Variants in ZNF226 observed in about 807,000 individuals in gnomAD.
The protein encoded by ZNF226 is Kruppel-associated box protein.
Under a neutral mutation model 11.4 loss-of-function variants are expected in ZNF226, and 6 were observed. That is an observed-to-expected ratio of 0.53 (90% CI 0.29 to 1.04). ZNF226 has a LOEUF of 1.04. ZNF226 is among the 50% of genes least tolerant of loss of function. The probability of loss-of-function intolerance (pLI) is 0.08; values close to 1 mark genes in which losing one functional copy is unlikely to be tolerated. For missense variants in ZNF226, 1,058 were observed against 956.5 expected (o/e 1.11, Z -1.40); for synonymous variants, 350 against 322.8 (o/e 1.08, Z -0.90).
the ZNF226 span, among the ~76,000 whole-genome samples, chr19:44,196,737 G>T: frequency 6.6e-6 from 1 of 152,114 alleles, no homozygotes; most frequent in African/African-American, 2.4e-5. Context: ...TATCCATTGG[G>T]CTCATGTTGA....
the ZNF226 span, among the ~76,000 whole-genome samples, chr19:44,193,015 A>G: frequency 1.3e-5 from 2 of 152,126 alleles, no homozygotes; most frequent in Non-Finnish European, 2.9e-5. Context: ...TTGTCTGACA[A>G]ATATATCCAG....
In ZNF226 at chr19:44,165,125, C is replaced by G. The variant is rs1295853668; in HGVS notation, c.-115C>G. 6.6e-6 allele frequency: 1 copy of G among 152,242 alleles called. No individual in the cohort carries two copies. The highest frequency in any genetic ancestry group is 1.5e-5 in the Non-Finnish European group (1 of 68,072). 9.4% of individuals were successfully genotyped at this position (152,242 alleles called of 1,614,324 possible). On this transcript the variant is annotated 5_prime_UTR_variant, in exon 1 of 6. Transcript: ENST00000337433. ...AGACGACGTAGCAGCCATCTTTTCC[C>G]TGGCTTTGGTGATTCAGGTCAGCTT...
the ZNF226 span, among the ~76,000 whole-genome samples, chr19:44,186,921 G>A: frequency 2.0e-5 from 3 of 150,492 alleles, no homozygotes; most frequent in Non-Finnish European, 4.4e-5. Context: ...GTTATGTGGT[G>A]TATTACATTG....
chr19:44,179,532 G>T (rs1970875039), downstream of ZNF226, among the ~76,000 whole-genome samples: 1 of 152,178 alleles, frequency 6.6e-6, no homozygotes, highest in African/African-American at 2.4e-5. Context: ...GCATTGGTAA[G>T]AGTGAATATA....
At chr19:44,165,316 T>C (rs1448848238) in intron 1 of ZNF226, 174 bp downstream of exon 1, 2 of 152,154 alleles carry the variant, frequency 1.3e-5, no homozygotes, top group Non-Finnish European at 2.9e-5. Flanking sequence ...GCGTACTGGC[T>C]TCGGGCGGCT....
the ZNF226 span, among the ~76,000 whole-genome samples, chr19:44,184,329 C>T: frequency 6.6e-6 from 1 of 152,152 alleles, no homozygotes; most frequent in Non-Finnish European, 1.5e-5. Flanking sequence ...TGCCTGTAAT[C>T]CCAGCACTTT....
At chr19:44,185,443 T>C in the ZNF226 span, among the ~76,000 whole-genome samples, 3 of 152,206 alleles carry the variant, frequency 2.0e-5, no homozygotes, top group African/African-American at 7.2e-5. Context: ...GTGACCACAA[T>C]AGTGGGTGTG....
At chr19:44,187,280 C>T in the ZNF226 span, among the ~76,000 whole-genome samples, 2 of 152,040 alleles carry the variant, frequency 1.3e-5, no homozygotes, top group Admixed American at 1.3e-4. The surrounding 1 kb of genome is among the most constrained non-coding windows in gnomAD (Gnocchi z 4.0). Flanking sequence ...TTGATGACTA[C>T]GTCCAATGCC....
intron 5 of ZNF226, chr19:44,174,740 T>C: frequency 3.0e-6 from 1 of 337,176 alleles, no homozygotes; most frequent in Non-Finnish European, 5.4e-6. Context: ...CATATCTACA[T>C]CCAGAAACTT....
chr19:44,170,245 G>T, intron 3 of ZNF226, 150 bp downstream of exon 3: 2 of 673,936 alleles, frequency 3.0e-6, no homozygotes, highest in Non-Finnish European at 4.6e-6. Flanking sequence ...GAGTTTAGCT[G>T]GTTTTGGTTT....
chr19:44,170,456 G>T (rs2122335028), intron 3 of ZNF226, among the ~76,000 whole-genome samples: 1 of 152,120 alleles, frequency 6.6e-6, no homozygotes, highest in African/African-American at 2.4e-5. Flanking sequence ...CAAAAATTAG[G>T]CCGGGCATGG....
At chr19:44,172,295 G>A in intron 4 of ZNF226, 81 bp downstream of exon 4, 1 of 1,513,346 alleles carries the variant, frequency 6.6e-7, no homozygotes, top group Non-Finnish European at 8.9e-7. Flanking sequence ...TTCCCTGAGT[G>A]TGGGAATCTG....
intron 2 of ZNF226, among the ~76,000 whole-genome samples, chr19:44,167,314 CTTTTT>C (rs35919865): frequency 1.9e-5 from 2 of 105,688 alleles, no homozygotes; most frequent in Non-Finnish European, 3.6e-5. Context: ...ATTTCTTTAA[CTTTTT>C]TTTTTTTTTT....
chr19:44,171,945 T>C, intron 3 of ZNF226, 143 bp from the exon 4 acceptor site: 1 of 1,058,952 alleles, frequency 9.4e-7, no homozygotes, highest in African/African-American at 1.6e-5. Context: ...GGTAAGTCAG[T>C]GTATGGCATT....
downstream of ZNF226, among the ~76,000 whole-genome samples, chr19:44,180,086 C>CAAAA (rs60173546): frequency 1.6e-4 from 9 of 54,730 alleles, no homozygotes; most frequent in South Asian, 1.3e-3. Flanking sequence ...GACTCTGTCT[C>CAAAA]AAAAAAAAAA....
the ZNF226 span, among the ~76,000 whole-genome samples, chr19:44,188,085 A>T: frequency 6.6e-6 from 1 of 152,154 alleles, no homozygotes; most frequent in Non-Finnish European, 1.5e-5. Context: ...ACTTGAGAAG[A>T]ATGTGCATTT....
intron 2 of ZNF226, chr19:44,167,851 G>A (rs1307903710): frequency 6.6e-6 from 1 of 152,140 alleles, no homozygotes; most frequent in African/African-American, 2.4e-5. Flanking sequence ...CACATGCATG[G>A]GGTGTCTTGG....
rs1970181763 is a variant in ZNF226 at position 44,172,228 on chromosome 19, C to T, written c.142+14C>T. 1 of 1,607,600 alleles carries T rather than the reference C, an allele frequency of 6.2e-7. No individual in the cohort carries two copies. Among genetic ancestry groups the T allele is most frequent in the East Asian group, 2.2e-5 (1 of 44,532 alleles). On this transcript the variant is annotated intron_variant, in intron 4 of 5. Transcript: ENST00000337433. ...TGCTGTCAGTGGGTGAGGACAGCCTCCCTCTGGAATATCTTTGTGCCCTTG... is the reference window on the plus strand; with the variant it reads ...TGCTGTCAGTGGGTGAGGACAGCCTTCCTCTGGAATATCTTTGTGCCCTTG...
chr19:44,178,048 G>A (rs1970845891), downstream of ZNF226: 1 of 165,978 alleles, frequency 6.0e-6, no homozygotes, highest in East Asian at 1.7e-4. Flanking sequence ...TGAAAATTAT[G>A]TTGAGATCAC....
Sources: gnomAD v4.1 joint callset for allele counts (sites outside exome capture counted in the v4.1 genomes callset) on GRCh38, gnomAD v4.1.1 for gene constraint, Gnocchi (gnomAD v3.1) non-coding constraint, MANE v1.5 for transcripts, NCBI Gene and HGNC (gene_info 2026-07-23, HGNC 2026-07-21) for gene names.